Variants in ACVR1B observed in about 807,000 individuals in gnomAD.
ACVR1B encodes activin receptor type-1B.
ACVR1B carries 15 observed loss-of-function variants against 55.6 expected under a neutral mutation model. That is an observed-to-expected ratio of 0.27 (90% CI 0.18 to 0.42). The LOEUF (loss-of-function observed/expected upper bound fraction) is 0.42. ACVR1B is among the 10% of genes least tolerant of loss of function. ACVR1B has a pLI of 1.00. For synonymous variants in ACVR1B, 247 were observed against 254.6 expected (o/e 0.97, Z 0.28); for missense variants, 359 against 670.1 (o/e 0.54, Z 5.13).
rs1396364302 is a variant in ACVR1B, at chr12:51,975,512, C to T, written c.331+8C>T. The T allele has an allele frequency of 1.2e-6, 2 of 1,607,240 alleles. No individual in the cohort carries two copies. The highest frequency in any genetic ancestry group is 2.2e-5 in the South Asian group (2 of 90,964). The stretch of plus-strand genomic sequence containing the variant: ...ACTTGAGGGTGCCCAGTGGTGAGTG[C>T]ATGCCCTTGTTGGGCTAGTGGCTCA... On this transcript the variant is annotated splice_region_variant and intron_variant, in intron 2 of 8. Transcript: ENST00000257963.
chr12:51,959,855 G>T (rs1941483928), intron 1 of ACVR1B, among the ~76,000 whole-genome samples: 2 of 150,738 alleles, frequency 1.3e-5, no homozygotes, highest in Non-Finnish European at 2.9e-5. Flanking sequence ...TTGGAAATAA[G>T]TTTTTTAGGT....
chr12:51,985,701 C>CT (rs1312954454), intron 6 of ACVR1B, among the ~76,000 whole-genome samples: 4 of 152,166 alleles, frequency 2.6e-5, no homozygotes, highest in African/African-American at 9.7e-5. Context: ...GTGCAGAGAG[C>CT]TGTGAAGGAG....
chr12:51,970,708 G>A (rs963574116), intron 1 of ACVR1B, among the ~76,000 whole-genome samples: 1 of 152,204 alleles, frequency 6.6e-6, no homozygotes, highest in East Asian at 1.9e-4. Context: ...TCTGGAAAGA[G>A]TGCTGAGAAG....
At chr12:51,977,735 A>T (rs2120630135) in intron 3 of ACVR1B, among the ~76,000 whole-genome samples, 1 of 142,322 alleles carries the variant, frequency 7.0e-6, no homozygotes, top group African/African-American at 2.6e-5. Context: ...CCTCCACCTT[A>T]GTCTCCTGAG....
intron 1 of ACVR1B, among the ~76,000 whole-genome samples, chr12:51,960,395 C>A (rs896460852): frequency 6.6e-6 from 1 of 152,098 alleles, no homozygotes; most frequent in Non-Finnish European, 1.5e-5. Context: ...GCACTCCACC[C>A]TGGGTGACAG....
intron 8 of ACVR1B, among the ~76,000 whole-genome samples, chr12:51,993,492 C>T (rs1385060677): frequency 2.6e-5 from 4 of 152,006 alleles, no homozygotes; most frequent in African/African-American, 9.7e-5. Context: ...CCGCCTGGCG[C>T]GGTGGCTCAT....
chr12:51,991,219 A>G (rs1052995900), intron 7 of ACVR1B, among the ~76,000 whole-genome samples: 2 of 152,058 alleles, frequency 1.3e-5, no homozygotes, highest in Non-Finnish European at 2.9e-5. Context: ...CCTTTTTTAG[A>G]CTTTAAAAAT....
At chr12:51,987,420 G>A (rs894699160) in intron 7 of ACVR1B, 1 of 385,326 alleles carries the variant, frequency 2.6e-6, no homozygotes, top group African/African-American at 2.1e-5. Flanking sequence ...TTCTCCCATA[G>A]TTAAAAATCG....
intron 1 of ACVR1B, among the ~76,000 whole-genome samples, chr12:51,970,196 A>C (rs1485548603): frequency 2.0e-5 from 3 of 152,152 alleles, no homozygotes; most frequent in African/African-American, 7.2e-5. Flanking sequence ...AGGTGTTCCT[A>C]GTGTGGCCGT....
chr12:51,976,294 C>A (rs763981401), intron 2 of ACVR1B, 33 bp from the exon 3 acceptor site: 54 of 1,611,936 alleles, frequency 3.4e-5, no homozygotes, highest in Non-Finnish European at 4.3e-5. Flanking sequence ...TTTTACTTCT[C>A]ATTCTTTCCC....
intron 5 of ACVR1B, among the ~76,000 whole-genome samples, chr12:51,984,738 A>G (rs960719485): frequency 2.6e-5 from 4 of 152,210 alleles, no homozygotes; most frequent in South Asian, 4.1e-4. Context: ...CCAGGGCCAC[A>G]ATGGAAAATC....
At position 51,963,130 on chromosome 12, in the gene ACVR1B, G is replaced by A. The variant is rs541690930; in HGVS notation, c.91+11296G>A. Among the ~76,000 whole-genome samples, 151 of 152,112 alleles carry A rather than the reference G, an allele frequency of 9.9e-4. 1 individual carries two copies. Among genetic ancestry groups the A allele is most frequent in the Non-Finnish European group, 1.8e-3 (125 of 68,012 alleles). ...GTAATTTTAAATTGTAGCAAAATAC[G>A]TATAACATAAAATGTACTATTTTAA... On this transcript the variant is annotated intron_variant, in intron 1 of 8. Coordinates refer to ENST00000257963, the MANE Select transcript of ACVR1B (RefSeq NM_004302.5).
At chr12:51,984,415 C>T (rs1394144957) in intron 5 of ACVR1B, among the ~76,000 whole-genome samples, 1 of 152,210 alleles carries the variant, frequency 6.6e-6, no homozygotes, top group African/African-American at 2.4e-5. Flanking sequence ...ACTTGTCAAT[C>T]AGTGGCTTGA....
intron 1 of ACVR1B, among the ~76,000 whole-genome samples, chr12:51,970,414 G>A (rs909399392): frequency 3.3e-5 from 5 of 152,202 alleles, no homozygotes; most frequent in Non-Finnish European, 7.3e-5. Flanking sequence ...GCCTCAGCTC[G>A]TGAGTTCCTG....
chr12:51,980,415 A>G (rs1941953499), intron 3 of ACVR1B, among the ~76,000 whole-genome samples: 1 of 152,228 alleles, frequency 6.6e-6, no homozygotes, highest in African/African-American at 2.4e-5. Flanking sequence ...ATCTTAGACT[A>G]AACATAGATG....
At chr12:51,962,961 C>T (rs1941564512) in intron 1 of ACVR1B, among the ~76,000 whole-genome samples, 1 of 152,076 alleles carries the variant, frequency 6.6e-6, no homozygotes, top group South Asian at 2.1e-4. Context: ...CTGGTTTCCT[C>T]TTTGTGAGTT....
intron 2 of ACVR1B, among the ~76,000 whole-genome samples, chr12:51,975,834 G>A (rs572010844): frequency 6.6e-6 from 1 of 152,270 alleles, no homozygotes; most frequent in African/African-American, 2.4e-5. Context: ...CCCCAGAGCC[G>A]AGCAAAGGTG....
chr12:51,953,593 G>GT (rs1859105477), intron 1 of ACVR1B: 14 of 584,342 alleles, frequency 2.4e-5, no homozygotes, highest in Non-Finnish European at 2.7e-5. Flanking sequence ...CTACTGGGTA[G>GT]TAAAAAAAAA....
intron 1 of ACVR1B, among the ~76,000 whole-genome samples, chr12:51,958,645 A>C (rs896073400): frequency 1.4e-5 from 2 of 141,966 alleles, no homozygotes; most frequent in Non-Finnish European, 3.1e-5. Context: ...GAGACTCCTC[A>C]AAAAAAAAAA....
Sources: allele counts gnomAD v4.1 joint callset (sites outside exome capture counted in the v4.1 genomes callset), GRCh38; gene constraint gnomAD v4.1.1; transcripts MANE v1.5; gene names NCBI Gene and HGNC (gene_info 2026-07-23, HGNC 2026-07-21).